The following SLC38A8 variants were observed in gnomAD, a reference collection of about 807,000 sequenced individuals.
The protein encoded by SLC38A8 is solute carrier family 38 member 8.
In SLC38A8, 65 loss-of-function variants were observed where a neutral mutation model predicts 46.0. That is an observed-to-expected ratio of 1.41 (90% CI 1.16 to 1.74). SLC38A8 has a LOEUF of 1.74. Among genes scored for constraint, SLC38A8 ranks in the 40% most tolerant of loss-of-function variants. The pLI, the probability that SLC38A8 is intolerant of heterozygous loss-of-function variation, is 0.00. For synonymous variants in SLC38A8, 447 were observed against 243.7 expected, an observed-to-expected ratio of 1.83 and a Z score of -7.77; for missense variants, 998 against 567.9, an observed-to-expected ratio of 1.76 and a Z score of -7.70.
At chr16:84,019,070 T>C (rs1186971866) in intron 7 of SLC38A8, among the ~76,000 whole-genome samples, 1 of 152,118 alleles carries the variant, frequency 6.6e-6, no homozygotes, top group South Asian at 2.1e-4. Flanking sequence ...GAAACTACAA[T>C]TTCTCCAAAA....
chr16:84,032,618 G>A (rs1044017771), intron 4 of SLC38A8, among the ~76,000 whole-genome samples: 1 of 152,230 alleles, frequency 6.6e-6, no homozygotes, highest in Non-Finnish European at 1.5e-5. Context: ...GCTCACACTT[G>A]AGAGGGGACA....
At chr16:84,027,734 C>A (rs542909149) in intron 6 of SLC38A8, among the ~76,000 whole-genome samples, 12 of 152,340 alleles carry the variant, frequency 7.9e-5, no homozygotes, top group Admixed American at 7.8e-4. Context: ...ATCCCGTGTC[C>A]CTGGAAACGC....
chr16:84,043,140 G>A (rs993488855), upstream of SLC38A8, among the ~76,000 whole-genome samples: 9 of 152,154 alleles, frequency 5.9e-5, no homozygotes, highest in East Asian at 1.9e-4. Context: ...CAGCAGGTGC[G>A]TCTCAGAGCT....
intron 6 of SLC38A8, among the ~76,000 whole-genome samples, chr16:84,023,602 G>T (rs1005422979): frequency 6.6e-6 from 1 of 152,146 alleles, no homozygotes; most frequent in Admixed American, 6.6e-5. Flanking sequence ...ACCACAGGAA[G>T]CCACATAGGT....
At chr16:84,022,744 C>G (rs1463288184) in intron 7 of SLC38A8, 31 bp downstream of exon 7, 2 of 1,574,488 alleles carry the variant, frequency 1.3e-6, no homozygotes, top group Non-Finnish European at 1.7e-6. Context: ...CACTCCCCAC[C>G]CTCTGCAGGG....
rs1436685098 is a variant in SLC38A8, at chr16:84,023,666, G to T, written c.691-777C>A. Among the ~76,000 whole-genome samples the T allele has an allele frequency of 2.0e-5, 3 of 152,252 alleles. No homozygotes were observed. In the East Asian group the frequency reaches 5.8e-4, roughly 30 times the overall value. On this transcript the variant is annotated intron_variant, in intron 6 of 10. Transcript: ENST00000299709. ...CCCAGCACTTTGGGAGGCCGAAGGG[G>T]GCAGATCACTTGAGGTCAGGAGTTT...
In SLC38A8 at chr16:84,025,112, G is replaced by C. The variant is rs376324923; in HGVS notation, c.691-2223C>G. 1.2e-4 allele frequency among the ~76,000 whole-genome samples: 18 copies of C among 152,158 alleles called. No homozygotes were observed. In the East Asian group the frequency reaches 2.9e-3, roughly 25 times the overall value. ...CCAAGAGAATACTGATGTACAGCCA[G>C]GGCTGGGCAGGGAGGCTCTGCTCTG... is the stretch of plus-strand genomic sequence containing the variant. On this transcript the variant is annotated intron_variant, in intron 6 of 10. Coordinates refer to ENST00000299709, the MANE Select transcript of SLC38A8 (RefSeq NM_001080442.3).
rs960797434 is a variant in SLC38A8, at chr16:84,032,049, C to G, written c.531-81G>C. 4 of 1,194,164 alleles carry G rather than the reference C, an allele frequency of 3.3e-6. No homozygotes were observed. The South Asian group carries it at 5.2e-5, about 16-fold the overall frequency. The allele number at this position is 1,194,164 out of a possible 1,614,324, so 74.0% of individuals were successfully genotyped here. The stretch of plus-strand genomic sequence containing the variant: ...ACGGGGACAGTAGTGGGATCTGAAT[C>G]CCAGCTCCGCCCTTGACAATGAGGT... On this transcript the variant is annotated intron_variant, in intron 4 of 10. Coordinates refer to ENST00000299709, the MANE Select transcript of SLC38A8 (RefSeq NM_001080442.3).
In SLC38A8 at chr16:84,010,938, G is replaced by A. The variant is rs371732457; in HGVS notation, c.1215-1061C>T. Reference sequence around the variant, plus strand: ...GAGGTGGCTGGGACTGGCAGCCACCGAGGCCACATTTGTGAGCTTCGTCAT... The same window carrying A: ...GAGGTGGCTGGGACTGGCAGCCACCAAGGCCACATTTGTGAGCTTCGTCAT... On this transcript the variant is annotated intron_variant, in intron 10 of 10. Coordinates refer to ENST00000299709, the MANE Select transcript of SLC38A8 (RefSeq NM_001080442.3). Among the ~76,000 whole-genome samples, 154 of 152,232 alleles carry A rather than the reference G, an allele frequency of 1.0e-3. 1 individual carries two copies. Among genetic ancestry groups the A allele is most frequent in the African/African-American group, 3.5e-3 (144 of 41,572 alleles).
At chr16:84,041,374 A>C (rs1397378557) in intron 2 of SLC38A8, 1 of 152,618 alleles carries the variant, frequency 6.6e-6, no homozygotes. Flanking sequence ...GCTGGAGCGC[A>C]CAGTCTCAGC....
chr16:84,040,711 C>G (rs2085357575), intron 2 of SLC38A8, among the ~76,000 whole-genome samples: 1 of 152,190 alleles, frequency 6.6e-6, no homozygotes, highest in Admixed American at 6.5e-5. Context: ...CAGTGGGGCT[C>G]AGCGCAAAGG....
At chr16:84,035,108 C>G (rs931977469) in intron 3 of SLC38A8, among the ~76,000 whole-genome samples, 2 of 152,334 alleles carry the variant, frequency 1.3e-5, no homozygotes, top group South Asian at 4.1e-4. Flanking sequence ...TGGGGTGGCC[C>G]GTATCCTCAT....
chr16:84,026,933 G>A lies in SLC38A8; in HGVS notation c.690+2561C>T, dbSNP rs76382156. ...GGGTTTCTTCGAGGGGCAACAGAAAGGTTCTCAATTGACTGTGGTGATGGT... is the reference window on the plus strand; with the variant it reads ...GGGTTTCTTCGAGGGGCAACAGAAAAGTTCTCAATTGACTGTGGTGATGGT... On this transcript the variant is annotated intron_variant, in intron 6 of 10. Coordinates refer to ENST00000299709, the MANE Select transcript of SLC38A8 (RefSeq NM_001080442.3). Among the ~76,000 whole-genome samples the A allele has an allele frequency of 1.4e-3, 217 of 152,310 alleles. No homozygotes were observed. The East Asian group carries it at 0.027, about 19-fold the overall frequency.
rs150458460 is a variant in SLC38A8 at position 84,022,710 on chromosome 16, C to T, written c.805+65G>A. The T allele has an allele frequency of 8.5e-5, 104 of 1,230,354 alleles. No individual in the cohort carries two copies. In the East Asian group the frequency reaches 1.4e-3, roughly 17 times the overall value. 76.2% of individuals were successfully genotyped at this position (1,230,354 alleles called of 1,614,324 possible). On this transcript the variant is annotated intron_variant, in intron 7 of 10. Transcript: ENST00000299709. Reference sequence around the variant, plus strand: ...GTGGTAAACTCTCTAGAGAGATACTCGCTGTTACTCTTGTTTCTACTGTCA... The same window carrying T: ...GTGGTAAACTCTCTAGAGAGATACTTGCTGTTACTCTTGTTTCTACTGTCA...
At chr16:84,026,375 C>T (rs555260897) in intron 6 of SLC38A8, among the ~76,000 whole-genome samples, 6 of 152,310 alleles carry the variant, frequency 3.9e-5, no homozygotes, top group Admixed American at 3.9e-4. Context: ...TACAGGCCCG[C>T]ACCGCCATGC....
At chr16:84,033,593 G>T (rs2085270971) in intron 3 of SLC38A8, 124 bp from the exon 4 acceptor site, 1 of 1,130,286 alleles carries the variant, frequency 8.8e-7, no homozygotes, top group African/African-American at 1.6e-5. Context: ...AGGAGCCCAG[G>T]GATCAGACGA....
At chr16:84,013,565 G>A (rs980124704) in intron 9 of SLC38A8, among the ~76,000 whole-genome samples, 5 of 151,296 alleles carry the variant, frequency 3.3e-5, no homozygotes, top group Non-Finnish European at 2.9e-5. Flanking sequence ...CGAGTAGCTG[G>A]GACTACAGGT....
chr16:84,040,931 G>C (rs1196330054), intron 2 of SLC38A8: 1 of 152,304 alleles, frequency 6.6e-6, no homozygotes, highest in Non-Finnish European at 1.5e-5. Flanking sequence ...GCCAACGCCA[G>C]GGGTGTCATG....
intron 2 of SLC38A8, among the ~76,000 whole-genome samples, chr16:84,037,771 A>AG (rs36197780): frequency 0.42 from 59,159 of 142,194 alleles, 12,895 homozygotes; most frequent in East Asian, 0.52. Flanking sequence ...AAAAAAAAAA[A>AG]AGAGAAAAGA....
Sources: allele counts gnomAD v4.1 joint callset (sites outside exome capture counted in the v4.1 genomes callset), GRCh38; gene constraint gnomAD v4.1.1; transcripts MANE v1.5; gene names NCBI Gene and HGNC (gene_info 2026-07-23, HGNC 2026-07-21).